The following FMO2 variants were observed in gnomAD, a reference collection of about 807,000 sequenced individuals.
The protein encoded by FMO2 is flavin containing dimethylaniline monoxygenase 2.
FMO2 carries 33 observed loss-of-function variants against 41.6 expected under a neutral mutation model. The observed-to-expected ratio is 0.79, with a 90% CI of 0.60 to 1.06. The LOEUF (loss-of-function observed/expected upper bound fraction) is 1.06. Among genes scored for constraint, FMO2 ranks in the 50% least tolerant of loss-of-function variants. The probability of loss-of-function intolerance (pLI) is 0.00; values close to 1 mark genes in which losing one functional copy is unlikely to be tolerated. For synonymous variants in FMO2, 214 were observed against 219.6 expected (o/e 0.97, Z 0.23); for missense variants, 619 against 632.9 (o/e 0.98, Z 0.23).
Position 171,185,780 on chromosome 1 carries a change from G to C in FMO2, c.67G>C (p.Asp23His), listed in dbSNP as rs748794325. ...SGLISLKCCV[D>H]EGLEPTCFER... ...CCTAATTTCTCTGAAGTGCTGTGTG[G>C]ATGAGGGACTTGAGCCCACTTGCTT... The change falls in exon 2 of 9, where the codon GAT (aspartate) becomes CAT (histidine). Residue 23 changes from aspartate to histidine, a missense_variant. Coordinates refer to ENST00000209929, the MANE Select transcript of FMO2 (RefSeq NM_001460.5). 2.5e-6 allele frequency: 4 copies of C among 1,613,762 alleles called. No homozygotes were observed.
Position 171,209,401 on chromosome 1 carries a change from G to A in FMO2, c.*256G>A. The A allele has an allele frequency of 3.1e-6, 1 of 321,830 alleles. No individual in the cohort carries two copies. 19.9% of individuals were successfully genotyped at this position (321,830 alleles called of 1,614,324 possible). ...CCAAAATGTAAAATAAAATAAGACTGGCTCAGGTAAGTAGTGCTGCCAACC... is the reference window on the plus strand; with the variant it reads ...CCAAAATGTAAAATAAAATAAGACTAGCTCAGGTAAGTAGTGCTGCCAACC... On this transcript the variant is annotated 3_prime_UTR_variant, in exon 9 of 9. Transcript: ENST00000209929.
intron 2 of FMO2, among the ~76,000 whole-genome samples, chr1:171,188,654 T>C (rs1657952785): frequency 6.6e-6 from 1 of 152,210 alleles, no homozygotes; most frequent in Non-Finnish European, 1.5e-5. Flanking sequence ...TGGGAAACTT[T>C]GCCTTTTCAC....
At chr1:171,201,390 C>T (rs1190807230) in intron 5 of FMO2, among the ~76,000 whole-genome samples, 1 of 152,102 alleles carries the variant, frequency 6.6e-6, no homozygotes, top group Non-Finnish European at 1.5e-5. Flanking sequence ...AGAGTAACAA[C>T]ATAAATCTAT....
At chr1:171,193,254 A>C (rs891236978) in intron 2 of FMO2, 81 bp from the exon 3 acceptor site, 13 of 831,632 alleles carry the variant, frequency 1.6e-5, no homozygotes, top group Non-Finnish European at 2.3e-5. Context: ...CGCATTACCC[A>C]GGGGTTAGAT....
At position 171,207,738 on chromosome 1, in the gene FMO2, G is replaced by C; in HGVS notation, c.1204G>C (p.Glu402Gln). 1 of 1,610,740 alleles carries C rather than the reference G, an allele frequency of 6.2e-7. No individual in the cohort carries two copies. Among genetic ancestry groups the C allele is most frequent in the Non-Finnish European group, 8.5e-7 (1 of 1,177,684 alleles). The change falls in exon 8 of 9, where the codon GAG becomes CAG. Residue 402 changes from glutamate to glutamine, a missense_variant. Glu to Gln is a conservative substitution (Grantham distance 29). Transcript: ENST00000209929. ...VFKGLCSLPS[E>Q]RTMMMDIIKR... ...CTTAGGCTTGTGTAGCCTGCCCTCA[G>C]AGAGAACTATGATGATGGACATTAT...
At chr1:171,195,326 C>T (rs1490071869) in intron 3 of FMO2, among the ~76,000 whole-genome samples, 1 of 152,158 alleles carries the variant, frequency 6.6e-6, no homozygotes, top group Admixed American at 6.5e-5. Context: ...ACATGAATCA[C>T]CTGGATATCT....
At chr1:171,198,055 AC>A (rs1658371978) in intron 4 of FMO2, among the ~76,000 whole-genome samples, 1 of 152,234 alleles carries the variant, frequency 6.6e-6, no homozygotes, top group African/African-American at 2.4e-5. Context: ...CATTTCTAAC[AC>A]CAGGCAATGC....
At chr1:171,200,958 G>A (rs909801250) in intron 5 of FMO2, among the ~76,000 whole-genome samples, 1 of 152,096 alleles carries the variant, frequency 6.6e-6, no homozygotes, top group Admixed American at 6.6e-5. Context: ...ACTACTTCAC[G>A]TTGTCAGACC....
At chr1:171,208,167 T>G (rs998270649) in intron 8 of FMO2, among the ~76,000 whole-genome samples, 11 of 152,130 alleles carry the variant, frequency 7.2e-5, no homozygotes, top group Non-Finnish European at 1.3e-4. Context: ...GTAGCTTGAA[T>G]AGCTGTGAAA....
intron 3 of FMO2, among the ~76,000 whole-genome samples, chr1:171,193,764 T>C (rs1428483058): frequency 1.4e-5 from 2 of 147,960 alleles, no homozygotes; most frequent in African/African-American, 5.1e-5. Context: ...TAATAATATA[T>C]TGATGTCAAA....
intron 2 of FMO2, among the ~76,000 whole-genome samples, chr1:171,188,030 AT>A (rs67830022): frequency 0.01 from 1,023 of 97,648 alleles, 6 homozygotes; most frequent in African/African-American, 0.031. Flanking sequence ...TTCAGCTGGA[AT>A]TTTTTTTTTT....
intron 5 of FMO2, among the ~76,000 whole-genome samples, chr1:171,200,870 A>C (rs28369881): frequency 0.13 from 19,928 of 152,200 alleles, 1,883 homozygotes; most frequent in East Asian, 0.42. Flanking sequence ...AATACCCGCA[A>C]AGCCTTAGGA....
chr1:171,205,735 A>T (rs747822587), intron 7 of FMO2, 101 bp downstream of exon 7: 19 of 746,938 alleles, frequency 2.5e-5, no homozygotes, highest in Non-Finnish European at 3.8e-5. Context: ...GCCAAGAAAA[A>T]GTTTGACAAC....
At chr1:171,204,111 G>C (rs765843189) in intron 6 of FMO2, 47 bp downstream of exon 6, 1 of 1,399,944 alleles carries the variant, frequency 7.1e-7, no homozygotes, top group East Asian at 2.3e-5. Flanking sequence ...GGTGAGCAAA[G>C]TTGTCTGAAG....
intron 2 of FMO2, among the ~76,000 whole-genome samples, chr1:171,189,154 TTC>T (rs1286003483): frequency 6.6e-6 from 1 of 152,196 alleles, no homozygotes; most frequent in African/African-American, 2.4e-5. Flanking sequence ...GCCGCTAACC[TTC>T]TCTGTTTCCT....
At chr1:171,208,701 C>A in intron 8 of FMO2, 93 bp from the exon 9 acceptor site, 1 of 1,153,164 alleles carries the variant, frequency 8.7e-7, no homozygotes, top group Non-Finnish European at 1.3e-6. Flanking sequence ...CATATTCACT[C>A]ATTCCTTCAT....
In FMO2 at chr1:171,200,151, GA is replaced by G. The variant is rs536334509; in HGVS notation, c.627+667del. ...TAACCTTCAGTTACCCAAATATTAT[GA>G]AAAGAAAGATTAAATAGATAGTAGG... On this transcript the variant is annotated intron_variant, in intron 5 of 8. Coordinates refer to ENST00000209929, the MANE Select transcript of FMO2 (RefSeq NM_001460.5). Among the ~76,000 whole-genome samples the G allele has an allele frequency of 2.6e-5, 4 of 152,232 alleles. No homozygotes were observed. The South Asian group carries it at 8.3e-4, about 32-fold the overall frequency.
At chr1:171,205,098 T>C (rs985708755) in intron 6 of FMO2, among the ~76,000 whole-genome samples, 181 bp from the exon 7 acceptor site, 1 of 152,224 alleles carries the variant, frequency 6.6e-6, no homozygotes, top group East Asian at 1.9e-4. Context: ...TGACAAGAGA[T>C]ATTTGTGACA....
At position 171,209,498 on chromosome 1, in the gene FMO2, T is replaced by C. The variant is rs566641271; in HGVS notation, c.*353T>C. On this transcript the variant is annotated 3_prime_UTR_variant, in exon 9 of 9. Transcript: ENST00000209929. ...GAAAAGCAGCCCATGGTTTAAATTA[T>C]TGGACAATTTAAATTGTGGGTAAAT... 2 of 174,026 alleles carry C rather than the reference T, an allele frequency of 1.1e-5. No individual in the cohort carries two copies. Among genetic ancestry groups the C allele is most frequent in the African/African-American group, 2.3e-5 (1 of 42,600 alleles). The allele number at this position is 174,026 out of a possible 1,614,324, so 10.8% of individuals were successfully genotyped here.
Sources: allele counts gnomAD v4.1 joint callset (sites outside exome capture counted in the v4.1 genomes callset), GRCh38; gene constraint gnomAD v4.1.1; transcripts MANE v1.5; gene names NCBI Gene and HGNC (gene_info 2026-07-23, HGNC 2026-07-21).